Variants in PRDM5 observed in about 807,000 individuals in gnomAD.
PRDM5 encodes PR domain zinc finger protein 5.
Under a neutral mutation model 81.2 loss-of-function variants are expected in PRDM5, and 56 were observed. That is an observed-to-expected ratio of 0.69 (90% confidence interval 0.56 to 0.86). The LOEUF (loss-of-function observed/expected upper bound fraction) is 0.86, where lower values mean the gene tolerates loss of function less well. Ranked by LOEUF, PRDM5 falls within the 40% of genes least tolerant of loss-of-function variation. The probability of loss-of-function intolerance (pLI) is 0.00; values close to 1 mark genes in which losing one functional copy is unlikely to be tolerated. For missense variants in PRDM5, 697 were observed against 770.1 expected, an observed-to-expected ratio of 0.91 and a Z score of 1.12; for synonymous variants, 267 against 256.4, an observed-to-expected ratio of 1.04 and a Z score of -0.39.
At chr4:120,922,021 T>G (rs1259626735) in intron 1 of PRDM5, among the ~76,000 whole-genome samples, 1 of 152,214 alleles carries the variant, frequency 6.6e-6, no homozygotes, top group African/African-American at 2.4e-5. Flanking sequence ...CGCTCTGGGC[T>G]GCTCCTCCCA....
At chr4:120,835,861 G>A (rs1159511648) in intron 3 of PRDM5, among the ~76,000 whole-genome samples, 1 of 152,164 alleles carries the variant, frequency 6.6e-6, no homozygotes, top group Admixed American at 6.5e-5. Context: ...GTTTCAGGAA[G>A]CCAAAGAAGG....
intron 3 of PRDM5, among the ~76,000 whole-genome samples, chr4:120,825,266 G>A (rs1266516618): frequency 2.0e-5 from 3 of 152,134 alleles, no homozygotes; most frequent in Non-Finnish European, 4.4e-5. Flanking sequence ...CCTACATGTG[G>A]AAAGCATTCA....
intron 14 of PRDM5, among the ~76,000 whole-genome samples, chr4:120,722,873 G>T (rs1285094863): frequency 1.1e-4 from 16 of 152,190 alleles, no homozygotes. Context: ...AGCACGCGAG[G>T]AGCTGGCTGA....
chr4:120,815,975 T>C (rs1300636645), intron 7 of PRDM5: 1 of 185,816 alleles, frequency 5.4e-6, no homozygotes, highest in East Asian at 1.6e-4. Context: ...ATTTGTTTTG[T>C]TAATCCATAC....
At chr4:120,849,126 G>A (rs1758977576) in intron 3 of PRDM5, among the ~76,000 whole-genome samples, 1 of 152,102 alleles carries the variant, frequency 6.6e-6, no homozygotes, top group South Asian at 2.1e-4. Flanking sequence ...TGCTTAGTTG[G>A]TACTGCTGCT....
At chr4:120,904,543 T>C (rs1765583908) in intron 2 of PRDM5, among the ~76,000 whole-genome samples, 2 of 152,136 alleles carry the variant, frequency 1.3e-5, no homozygotes, top group Admixed American at 6.5e-5. Flanking sequence ...GAGTGTACCA[T>C]TACCTGAGCA....
chr4:120,898,157 G>A lies in PRDM5; in HGVS notation c.177+9317C>T, dbSNP rs1361948007. Among the ~76,000 whole-genome samples, 4 of 152,276 alleles carry A rather than the reference G, an allele frequency of 2.6e-5. No homozygotes were observed. The East Asian group carries it at 5.8e-4, about 22-fold the overall frequency. On this transcript the variant is annotated intron_variant, in intron 2 of 15. Coordinates refer to ENST00000264808, the MANE Select transcript of PRDM5 (RefSeq NM_018699.4). ...TGAGGTGATTCACAGCTGGGCTTCAGTTGTGGCAAGGCTCAGTCTGTTTCA... is the reference window on the plus strand; with the variant it reads ...TGAGGTGATTCACAGCTGGGCTTCAATTGTGGCAAGGCTCAGTCTGTTTCA...
At chr4:120,689,905 G>A (rs936085914), downstream of PRDM5, among the ~76,000 whole-genome samples, 1 of 152,026 alleles carries the variant, frequency 6.6e-6, no homozygotes, top group African/African-American at 2.4e-5. Context: ...ATGAGCCACC[G>A]TGTCCAGCCT....
At chr4:120,898,883 G>C (rs546553784) in intron 2 of PRDM5, among the ~76,000 whole-genome samples, 1 of 152,194 alleles carries the variant, frequency 6.6e-6, no homozygotes, top group Non-Finnish European at 1.5e-5. Context: ...ACTGAAGACT[G>C]TCTGACTGTC....
intron 7 of PRDM5, among the ~76,000 whole-genome samples, chr4:120,815,646 G>A (rs1281193520): frequency 6.6e-6 from 1 of 152,168 alleles, no homozygotes; most frequent in Non-Finnish European, 1.5e-5. Flanking sequence ...CCCACATCCA[G>A]AGACACATAG....
chr4:120,749,871 G>A (rs1743713583), intron 14 of PRDM5, among the ~76,000 whole-genome samples: 1 of 152,120 alleles, frequency 6.6e-6, no homozygotes, highest in Admixed American at 6.5e-5. Context: ...CGGGAAGAGG[G>A]GCAGAAACCT....
At chr4:120,737,258 A>G (rs1177394922) in intron 14 of PRDM5, among the ~76,000 whole-genome samples, 1 of 152,206 alleles carries the variant, frequency 6.6e-6, no homozygotes, top group African/African-American at 2.4e-5. Flanking sequence ...CCCAGTGTAC[A>G]TCAATGCAGA....
intron 2 of PRDM5, among the ~76,000 whole-genome samples, chr4:120,862,487 T>A (rs1441965958): frequency 3.3e-5 from 5 of 151,976 alleles, no homozygotes; most frequent in African/African-American, 1.2e-4. Flanking sequence ...AGATGAAAAG[T>A]AAGAGAGCAG....
intron 14 of PRDM5, among the ~76,000 whole-genome samples, chr4:120,734,451 TACTC>T (rs1475023329): frequency 2.2e-5 from 3 of 136,592 alleles, no homozygotes; most frequent in African/African-American, 9.1e-5. Context: ...CACACACCCT[TACTC>T]ACTACGTTCA....
At chr4:120,764,002 AAC>A (rs1286101947) in intron 13 of PRDM5, among the ~76,000 whole-genome samples, 2 of 152,104 alleles carry the variant, frequency 1.3e-5, no homozygotes, top group Non-Finnish European at 2.9e-5. Flanking sequence ...GCAGAAAAAC[AAC>A]ACAGAGAGTT....
In PRDM5 at chr4:120,818,414, T is replaced by C; in HGVS notation, c.589A>G (p.Lys197Glu). 1 of 1,614,070 alleles carries C rather than the reference T, an allele frequency of 6.2e-7. No homozygotes were observed. The highest frequency in any genetic ancestry group is 1.3e-5 in the African/African-American group (1 of 75,046). ...CCACAGTTCTTGCACTTAAATTCTT[T>C]CTCCTCTGTGGGTTTCTGGTGCAAT... ...QTLHQKPTEEKEFKCKNCGKK... is the reference protein window; with the variant it reads ...QTLHQKPTEEEEFKCKNCGKK... Residue 197 changes from lysine to glutamate, a missense_variant, in exon 5 of 16, where the codon AAA becomes GAA. This residue lies in a region of PRDM5 where 577 missense variants were observed against 606.7 expected (regional missense o/e 0.95). Transcript: ENST00000264808.
chr4:120,903,134 C>T (rs769007735), intron 2 of PRDM5, among the ~76,000 whole-genome samples: 8 of 152,186 alleles, frequency 5.3e-5, no homozygotes, highest in Non-Finnish European at 1.2e-4. Context: ...GGTTCATGTT[C>T]CATAACCACA....
chr4:120,724,912 C>G (rs1044785290), intron 14 of PRDM5, among the ~76,000 whole-genome samples: 7 of 152,164 alleles, frequency 4.6e-5, no homozygotes, highest in Admixed American at 4.6e-4. Context: ...AATTACATCT[C>G]TGAGTCAACA....
At chr4:120,808,564 C>T (rs1456325250) in intron 8 of PRDM5, among the ~76,000 whole-genome samples, 2 of 152,190 alleles carry the variant, frequency 1.3e-5, no homozygotes, top group African/African-American at 4.8e-5. Context: ...GGATCCTACA[C>T]TGGGGTCACA....
Sources: gnomAD v4.1 joint callset for allele counts (sites outside exome capture counted in the v4.1 genomes callset) on GRCh38, gnomAD v4.1.1 for gene constraint, gnomAD v4.1.1 regional missense constraint, MANE v1.5 for transcripts, NCBI Gene and HGNC (gene_info 2026-07-23, HGNC 2026-07-21) for gene names.